The following SMAD2 variants were observed in gnomAD, a reference collection of about 807,000 sequenced individuals.
SMAD2 encodes the protein SMAD family member 2, also known as MAD homolog 2.
In SMAD2, 8 loss-of-function variants were observed where a neutral mutation model predicts 64.4. The observed-to-expected ratio is 0.12, with a 90% confidence interval of 0.07 to 0.22. SMAD2 has a LOEUF of 0.22. Among genes scored for constraint, SMAD2 ranks in the 10% least tolerant of loss-of-function variants. The probability of loss-of-function intolerance (pLI) is 1.00; values close to 1 mark genes in which losing one functional copy is unlikely to be tolerated. For synonymous variants in SMAD2, 203 were observed against 195.8 expected (o/e 1.04, Z -0.31); for missense variants, 289 against 561.2 (o/e 0.51, Z 4.90).
intron 6 of SMAD2, among the ~76,000 whole-genome samples, chr18:47,859,268 A>T (rs2030976546): frequency 6.6e-6 from 1 of 152,164 alleles, no homozygotes; most frequent in African/African-American, 2.4e-5. Flanking sequence ...ACTTATCATA[A>T]CTGACAAAAT....
At chr18:47,900,388 C>T (rs1466740610) in intron 1 of SMAD2, among the ~76,000 whole-genome samples, 3 of 152,192 alleles carry the variant, frequency 2.0e-5, no homozygotes, top group African/African-American at 7.2e-5. Flanking sequence ...CTCTGCCTAT[C>T]CCATATTCTC....
chr18:47,848,335 C>T (rs1914733043), intron 8 of SMAD2, 140 bp downstream of exon 8: 1 of 696,162 alleles, frequency 1.4e-6, no homozygotes. Context: ...GAAGCCTGTG[C>T]ACTTAAATGT....
At chr18:47,859,982 A>G (rs1302519141) in intron 6 of SMAD2, among the ~76,000 whole-genome samples, 4 of 152,146 alleles carry the variant, frequency 2.6e-5, no homozygotes, top group Non-Finnish European at 5.9e-5. Context: ...ATAAAACACA[A>G]AAATTAGCCA....
At chr18:47,926,735 AT>A (rs1422991155) in intron 1 of SMAD2, among the ~76,000 whole-genome samples, 1 of 152,180 alleles carries the variant, frequency 6.6e-6, no homozygotes, top group East Asian at 1.9e-4. Context: ...TCTCAAATAC[AT>A]TTTACAATAG....
chr18:47,920,851 C>CTGA (rs1450737980), intron 1 of SMAD2, among the ~76,000 whole-genome samples: 1 of 152,170 alleles, frequency 6.6e-6, no homozygotes, highest in African/African-American at 2.4e-5. Flanking sequence ...CAACAGAGGA[C>CTGA]TGATGATATA....
At chr18:47,894,220 C>A (rs2144465724) in intron 2 of SMAD2, among the ~76,000 whole-genome samples, 1 of 152,310 alleles carries the variant, frequency 6.6e-6, no homozygotes, top group South Asian at 2.1e-4. Context: ...TGTGCAAAAA[C>A]ATGGCTCTAT....
At chr18:47,907,530 G>A (rs1414961464) in intron 1 of SMAD2, among the ~76,000 whole-genome samples, 1 of 152,224 alleles carries the variant, frequency 6.6e-6, no homozygotes, top group Non-Finnish European at 1.5e-5. Context: ...GAAGCACAAA[G>A]TACCTTTCTA....
intron 1 of SMAD2, among the ~76,000 whole-genome samples, chr18:47,909,225 G>A (rs1568106835): frequency 6.6e-6 from 1 of 152,204 alleles, no homozygotes; most frequent in Non-Finnish European, 1.5e-5. Context: ...CGTACCTATA[G>A]ACTATTACAT....
chr18:47,867,733 A>G (rs2031667932), intron 5 of SMAD2, among the ~76,000 whole-genome samples: 1 of 151,966 alleles, frequency 6.6e-6, no homozygotes, highest in Non-Finnish European at 1.5e-5. Flanking sequence ...ATCACATAAT[A>G]CATCAGAACA....
intron 2 of SMAD2, among the ~76,000 whole-genome samples, chr18:47,874,144 C>G (rs1306261211): frequency 6.6e-6 from 1 of 152,150 alleles, no homozygotes; most frequent in Non-Finnish European, 1.5e-5. Context: ...TGTTTTATAT[C>G]TATTACAGTG....
intron 2 of SMAD2, among the ~76,000 whole-genome samples, chr18:47,892,547 G>C (rs867456472): frequency 2.6e-5 from 4 of 152,144 alleles, no homozygotes; most frequent in South Asian, 4.1e-4. Flanking sequence ...TCTAGTTTCT[G>C]ATATTTTATT....
chr18:47,904,508 G>A (rs1054453507), intron 1 of SMAD2, among the ~76,000 whole-genome samples: 1 of 152,062 alleles, frequency 6.6e-6, no homozygotes, highest in African/African-American at 2.4e-5. Flanking sequence ...AAGGCACACA[G>A]ATGCTGAGGA....
rs1912706022 is a variant in SMAD2, at chr18:47,825,185, G to A, written c.*16642C>T. 6.6e-6 allele frequency: 1 copy of A among 152,148 alleles called. No homozygotes were observed. The highest frequency in any genetic ancestry group is 2.1e-4 in the South Asian group (1 of 4,828). 9.4% of individuals were successfully genotyped at this position (152,148 alleles called of 1,614,324 possible). Reference sequence around the variant, plus strand: ...GAAGCCCATTTAAACATATATTCAAGGAAAAATATATTAAGTTACCTGAAC... The same window carrying A: ...GAAGCCCATTTAAACATATATTCAAAGAAAAATATATTAAGTTACCTGAAC... On this transcript the variant is annotated 3_prime_UTR_variant, in exon 11 of 11. Coordinates refer to ENST00000262160, the MANE Select transcript of SMAD2 (RefSeq NM_005901.6).
chr18:47,892,643 A>T (rs1422354171), intron 2 of SMAD2, among the ~76,000 whole-genome samples: 3 of 115,148 alleles, frequency 2.6e-5, no homozygotes, highest in African/African-American at 8.1e-5. Context: ...AATAAGCTTA[A>T]GTGTTCTTTA....
rs1330400790 is a variant in SMAD2, at chr18:47,816,589, A to G, written c.*25238T>C. Reference sequence around the variant, plus strand: ...GCAACCTTTCACAAAGGTTACCCACAAAATACTTTTGCCTAGCCACTGCCT... The same window carrying G: ...GCAACCTTTCACAAAGGTTACCCACGAAATACTTTTGCCTAGCCACTGCCT... On this transcript the variant is annotated 3_prime_UTR_variant, in exon 11 of 11. Transcript: ENST00000262160. 6.6e-6 allele frequency: 1 copy of G among 152,242 alleles called. No individual in the cohort carries two copies. Among genetic ancestry groups the G allele is most frequent in the East Asian group, 1.9e-4 (1 of 5,198 alleles). The allele number at this position is 152,242 out of a possible 1,614,324, so 9.4% of individuals were successfully genotyped here. A position where few individuals can be genotyped will look rare whatever the true frequency, so the allele number is the denominator to read the frequency against.
Position 47,896,792 on chromosome 18 carries a change from C to T in SMAD2, c.-36G>A. On this transcript the variant is annotated 5_prime_UTR_variant, in exon 2 of 11. Transcript: ENST00000262160. ...AAGGCAGCAAGCCACGCTAGGAAAA[C>T]AGCCTCTTGTATCGAACCTAGCAGA... The T allele has an allele frequency of 6.2e-7, 1 of 1,604,636 alleles. No homozygotes were observed. The highest frequency in any genetic ancestry group is 1.1e-5 in the South Asian group (1 of 90,226).
intron 5 of SMAD2, 83 bp from the exon 6 acceptor site, chr18:47,865,216 A>G: frequency 5.3e-6 from 4 of 748,724 alleles, no homozygotes; most frequent in South Asian, 4.3e-5. Context: ...TAACCAATGA[A>G]TCACTCCAAA....
intron 1 of SMAD2, among the ~76,000 whole-genome samples, chr18:47,906,904 T>C (rs965829958): frequency 6.6e-5 from 10 of 152,178 alleles, no homozygotes; most frequent in African/African-American, 2.4e-4. Context: ...CTCTTGGCAT[T>C]ACATTTAAAG....
At chr18:47,849,960 T>A (rs537367086) in intron 7 of SMAD2, among the ~76,000 whole-genome samples, 1 of 151,560 alleles carries the variant, frequency 6.6e-6, no homozygotes, top group East Asian at 1.9e-4. Context: ...TGAGCCGAGA[T>A]TGCGCCACTG....
Sources: allele counts gnomAD v4.1 joint callset (sites outside exome capture counted in the v4.1 genomes callset), GRCh38; gene constraint gnomAD v4.1.1; transcripts MANE v1.5; gene names NCBI Gene and HGNC (gene_info 2026-07-23, HGNC 2026-07-21).